BIN1: variants seen among roughly 807,000 people sequenced by gnomAD.
The protein encoded by BIN1 is myc box-dependent-interacting protein 1.
A neutral mutation model predicts 82.0 loss-of-function variants in BIN1; 53 were observed. That is an observed-to-expected ratio of 0.65 (90% CI 0.52 to 0.81). The LOEUF is 0.81. Among genes scored for constraint, BIN1 ranks in the 40% least tolerant of loss-of-function variants. The probability of loss-of-function intolerance (pLI) is 0.00; values close to 1 mark genes in which losing one functional copy is unlikely to be tolerated. For missense variants in BIN1, 642 were observed against 784.4 expected (o/e 0.82, Z 2.17); for synonymous variants, 302 against 328.0 (o/e 0.92, Z 0.86).
chr2:127,104,194 G>A (rs985358873), intron 1 of BIN1, among the ~76,000 whole-genome samples: 2 of 152,212 alleles, frequency 1.3e-5, no homozygotes, highest in African/African-American at 4.8e-5. Flanking sequence ...CCTGCGTCAG[G>A]CCCAAATCCC....
At chr2:127,089,756 G>T (rs974709186) in intron 1 of BIN1, among the ~76,000 whole-genome samples, 16 of 152,244 alleles carry the variant, frequency 1.1e-4, no homozygotes, top group African/African-American at 3.9e-4. Flanking sequence ...GGCAGAAGGT[G>T]CTGGGAGCAG....
intron 7 of BIN1, among the ~76,000 whole-genome samples, chr2:127,066,895 GCA>G (rs998671725): frequency 1.3e-5 from 2 of 152,004 alleles, no homozygotes; most frequent in Non-Finnish European, 2.9e-5. Context: ...ACATAATGAG[GCA>G]CAGTCTCTAC....
intron 2 of BIN1, among the ~76,000 whole-genome samples, chr2:127,071,291 C>T (rs1318151773): frequency 6.6e-6 from 1 of 152,208 alleles, no homozygotes; most frequent in Non-Finnish European, 1.5e-5. Context: ...GGACAGAGAG[C>T]TCCCACTGCC....
In BIN1 at chr2:127,048,612, C is replaced by T. The variant is rs761759946; in HGVS notation, c.1696G>A (p.Val566Met). ...EEQDEGWLMG[V>M]KESDWNQHKE... The stretch of plus-strand genomic sequence containing the variant: ...TGCTGGTTCCAGTCGCTCTCCTTCA[C>T]GCCCATGAGCCAGCCTTCATCCTGA... The change falls in exon 19 of 19, where the codon GTG (valine) becomes ATG (methionine). Residue 566 changes from valine (V) to methionine (M), a missense_variant. Coordinates refer to ENST00000316724, the MANE Select transcript of BIN1 (RefSeq NM_139343.3). 1.2e-5 allele frequency: 19 copies of T among 1,613,092 alleles called. No homozygotes were observed. The highest frequency in any genetic ancestry group is 4.5e-5 in the East Asian group (2 of 44,868).
Position 127,068,216 on chromosome 2 carries a change from G to A in BIN1, c.559C>T (p.Gln187Ter). Residue 187 changes from glutamine (Q) to a stop codon, truncating the protein, a stop_gained, in exon 7 of 19, where the codon CAA (glutamine) becomes TAA (stop). Transcript: ENST00000316724. LOFTEE classifies it high-confidence loss of function. This position sits in a 1 kb window ranked among gnomAD's most constrained non-coding sequence, Gnocchi z 4.9. ...ACGAGATGAGCCTGCAGTTTGCCTTGGCACCACTGGGGGGCGGCTTTCTCA... is the reference window on the plus strand; with the variant it reads ...ACGAGATGAGCCTGCAGTTTGCCTTAGCACCACTGGGGGGCGGCTTTCTCA... ...LLEKAAPQWCQGKLQAHLVAQ... is the reference protein window; with the variant it reads ...LLEKAAPQWC 6.2e-7 allele frequency: 1 copy of A among 1,613,778 alleles called. No homozygotes were observed. The highest frequency in any genetic ancestry group is 8.5e-7 in the Non-Finnish European group (1 of 1,179,974).
intron 2 of BIN1, among the ~76,000 whole-genome samples, chr2:127,073,221 C>T (rs1217615042): frequency 2.6e-5 from 4 of 152,240 alleles, no homozygotes; most frequent in African/African-American, 7.2e-5. Flanking sequence ...TCATCAGTCC[C>T]CAGGGTAGAC....
intron 9 of BIN1, among the ~76,000 whole-genome samples, chr2:127,062,471 G>C (rs987134613): frequency 6.6e-6 from 1 of 152,354 alleles, no homozygotes; most frequent in Non-Finnish European, 1.5e-5. Flanking sequence ...ATGCCACATA[G>C]AGCTTGCACT....
intron 14 of BIN1, chr2:127,052,723 C>T (rs531439498): frequency 4.9e-5 from 16 of 328,094 alleles, no homozygotes; most frequent in Non-Finnish European, 8.0e-5. Context: ...GCCCCAAGGG[C>T]GCCTGCACAC....
chr2:127,049,622 G>A (rs1041907826), intron 18 of BIN1, among the ~76,000 whole-genome samples: 5 of 152,214 alleles, frequency 3.3e-5, no homozygotes, highest in African/African-American at 1.2e-4. Flanking sequence ...TCTGTGCACA[G>A]CCCGAGGTGC....
intron 1 of BIN1, among the ~76,000 whole-genome samples, chr2:127,080,914 G>A (rs1687208342): frequency 6.6e-6 from 1 of 152,252 alleles, no homozygotes; most frequent in Non-Finnish European, 1.5e-5. Context: ...TAGAAAGGCT[G>A]GGTGGTTCAC....
chr2:127,067,921 T>C lies in BIN1; in HGVS notation c.612+242A>G, dbSNP rs116527141. Reference sequence around the variant, plus strand: ...AGGAGTCTCCAGGAATGACCACAGATGCAGCCACGGAGCGGGCATAGCTAT... The same window carrying C: ...AGGAGTCTCCAGGAATGACCACAGACGCAGCCACGGAGCGGGCATAGCTAT... On this transcript the variant is annotated intron_variant, in intron 7 of 18. Transcript: ENST00000316724. This position sits in a 1 kb window ranked among gnomAD's most constrained non-coding sequence, Gnocchi z 4.7. Among the ~76,000 whole-genome samples the C allele has an allele frequency of 6.9e-3, 1,045 of 152,242 alleles. 14 individuals are homozygous for C. Among genetic ancestry groups the C allele is most frequent in the African/African-American group, 0.024 (994 of 41,540 alleles).
chr2:127,101,437 C>T (rs909830261), intron 1 of BIN1, among the ~76,000 whole-genome samples: 9 of 152,122 alleles, frequency 5.9e-5, no homozygotes, highest in Admixed American at 1.3e-4. Flanking sequence ...TCCTCCCGCA[C>T]GGGACACATG....
intron 1 of BIN1, among the ~76,000 whole-genome samples, chr2:127,101,634 ATTTG>A (rs1483446853): frequency 5.3e-5 from 8 of 152,098 alleles, no homozygotes; most frequent in African/African-American, 1.7e-4. Context: ...GGTGCTCAAT[ATTTG>A]TTGCATGAAT....
intron 7 of BIN1, among the ~76,000 whole-genome samples, chr2:127,066,915 G>T (rs1398121188): frequency 6.6e-6 from 1 of 152,068 alleles, no homozygotes; most frequent in African/African-American, 2.4e-5. Flanking sequence ...TACAAAAAAC[G>T]TAAAGATTAG....
chr2:127,049,828 C>G (rs1682647110), intron 18 of BIN1, among the ~76,000 whole-genome samples: 1 of 152,212 alleles, frequency 6.6e-6, no homozygotes, highest in Non-Finnish European at 1.5e-5. Context: ...CAACAGGAGC[C>G]CTCACTTCCA....
chr2:127,052,614 C>A, intron 14 of BIN1: 1 of 543,550 alleles, frequency 1.8e-6, no homozygotes, highest in Non-Finnish European at 3.3e-6. Flanking sequence ...CAAAATGGCC[C>A]TACCAGCTCG....
At position 127,062,276 on chromosome 2, in the gene BIN1, TC is replaced by T. The variant is rs905908691; in HGVS notation, c.775-80del. On this transcript the variant is annotated intron_variant, in intron 9 of 18. Coordinates refer to ENST00000316724, the MANE Select transcript of BIN1 (RefSeq NM_139343.3). The stretch of plus-strand genomic sequence containing the variant: ...CACCTTCCCCAAACACCTCTGCTTC[TC>T]CCCACCACCCCCAGCCCCTGCCAGG... 8 of 1,358,138 alleles carry T rather than the reference TC, an allele frequency of 5.9e-6. No individual in the cohort carries two copies. The Admixed American group carries it at 7.9e-5, about 13-fold the overall frequency. 84.1% of individuals were successfully genotyped at this position (1,358,138 alleles called of 1,614,324 possible).
intron 1 of BIN1, 42 bp from the exon 2 acceptor site, chr2:127,076,748 AG>A: frequency 6.2e-7 from 1 of 1,610,550 alleles, no homozygotes; most frequent in Non-Finnish European, 8.5e-7. Context: ...TACCTTGGAA[AG>A]GAGAGTGGTC....
At chr2:127,064,132 C>T (rs923687550) in intron 7 of BIN1, 114 bp from the exon 8 acceptor site, 52 of 1,244,420 alleles carry the variant, frequency 4.2e-5, no homozygotes, top group Non-Finnish European at 5.4e-5. Flanking sequence ...GGGACCAGGG[C>T]TCCGGGCAAG....
Sources: gnomAD v4.1 joint callset for allele counts (sites outside exome capture counted in the v4.1 genomes callset) on GRCh38, gnomAD v4.1.1 for gene constraint, Gnocchi (gnomAD v3.1) non-coding constraint, MANE v1.5 for transcripts, NCBI Gene and HGNC (gene_info 2026-07-23, HGNC 2026-07-21) for gene names.